BCAS3: variants seen among roughly 807,000 people sequenced by gnomAD.
BCAS3 encodes the protein BCAS3 microtubule associated cell migration factor, also known as BCAS4/BCAS3 fusion.
In BCAS3, 53 loss-of-function variants were observed where a neutral mutation model predicts 116.1. That is an observed-to-expected ratio of 0.46 (90% CI 0.37 to 0.57). The LOEUF (loss-of-function observed/expected upper bound fraction) is 0.57, where lower values mean the gene tolerates loss of function less well. Among genes scored for constraint, BCAS3 ranks in the 20% least tolerant of loss-of-function variants. BCAS3 has a pLI of 0.00. For missense variants in BCAS3, 917 were observed against 1,165.4 expected (o/e 0.79, Z 3.10); for synonymous variants, 391 against 408.2 (o/e 0.96, Z 0.51).
chr17:60,837,652 CTTTTTT>C (rs371521233), intron 7 of BCAS3, among the ~76,000 whole-genome samples: 2 of 136,962 alleles, frequency 1.5e-5, no homozygotes, highest in Admixed American at 7.3e-5. Flanking sequence ...TTTCACAATA[CTTTTTT>C]TTTTTTTTTT....
chr17:60,927,631 T>A (rs927235966), intron 13 of BCAS3, among the ~76,000 whole-genome samples: 15 of 152,206 alleles, frequency 9.9e-5, no homozygotes, highest in Non-Finnish European at 7.3e-5. Context: ...TTGAAATGGT[T>A]CATGGTGTAT....
chr17:60,898,188 T>C (rs1445019790), intron 10 of BCAS3, among the ~76,000 whole-genome samples: 9 of 152,192 alleles, frequency 5.9e-5, no homozygotes, highest in Non-Finnish European at 1.0e-4. Context: ...TTTTGAGTCC[T>C]ATAAATGGGC....
Position 60,917,260 on chromosome 17 carries a change from AAACTTTTTCACCATC to A in BCAS3, c.993+6559_993+6573del, listed in dbSNP as rs761940598. Among the ~76,000 whole-genome samples the A allele has an allele frequency of 5.3e-5, 8 of 152,320 alleles. No homozygotes were observed. The South Asian group carries it at 1.7e-3, about 32-fold the overall frequency. ...TCAGTACAGGCACTATCCCTTTCCA[AAACTTTTTCACCATC>A]TGAAACTGAAAGTCTCTGCCCATTA... On this transcript the variant is annotated intron_variant, in intron 12 of 23. Transcript: ENST00000407086.
intron 9 of BCAS3, among the ~76,000 whole-genome samples, chr17:60,876,368 A>T (rs1306645053): frequency 6.6e-6 from 1 of 151,922 alleles, no homozygotes; most frequent in Non-Finnish European, 1.5e-5. Flanking sequence ...CTTTTCACTA[A>T]TACCCCTTCT....
intron 16 of BCAS3, among the ~76,000 whole-genome samples, chr17:61,018,894 T>C (rs1382447489): frequency 2.0e-5 from 3 of 152,204 alleles, no homozygotes; most frequent in Non-Finnish European, 4.4e-5. Context: ...ATTTTTCTAC[T>C]TGTAGCATAG....
intron 22 of BCAS3, among the ~76,000 whole-genome samples, chr17:61,201,015 A>T (rs1439402762): frequency 6.6e-6 from 1 of 152,148 alleles, no homozygotes; most frequent in Non-Finnish European, 1.5e-5. Context: ...GACAAATAGT[A>T]TATATAAAAA....
chr17:60,890,712 T>C (rs1019000186), intron 10 of BCAS3, among the ~76,000 whole-genome samples: 2 of 152,218 alleles, frequency 1.3e-5, no homozygotes, highest in African/African-American at 2.4e-5. Flanking sequence ...AAAATTCTTT[T>C]AATTCCATTT....
rs2059616037 is a variant in BCAS3, at chr17:61,381,761, A to G, written c.2594-10216A>G. Among the ~76,000 whole-genome samples, 1 of 152,182 alleles carries G rather than the reference A, an allele frequency of 6.6e-6. No individual in the cohort carries two copies. Among genetic ancestry groups the G allele is most frequent in the Non-Finnish European group, 1.5e-5 (1 of 68,028 alleles). On this transcript the variant is annotated intron_variant, in intron 23 of 23. Transcript: ENST00000407086. This position sits in a 1 kb window ranked among gnomAD's most constrained non-coding sequence, Gnocchi z 6.0. ...AGGGCCAGCATTCTTCAGCACGCAG[A>G]TGCCATGTGTGCCTGTATGTGGTTC...
At position 61,171,452 on chromosome 17, in the gene BCAS3, T is replaced by C. The variant is rs1215042717; in HGVS notation, c.2425+86888T>C. Among the ~76,000 whole-genome samples, 1 of 152,098 alleles carries C rather than the reference T, an allele frequency of 6.6e-6. No individual in the cohort carries two copies. The highest frequency in any genetic ancestry group is 1.5e-5 in the Non-Finnish European group (1 of 68,012). ...GATTTAAACTTGGCCATATCAAAAG[T>C]CATATTGAATGTAAATGGTCTAAAC... On this transcript the variant is annotated intron_variant, in intron 22 of 23. Coordinates refer to ENST00000407086, the MANE Select transcript of BCAS3 (RefSeq NM_017679.5). This position sits in a 1 kb window ranked among gnomAD's most constrained non-coding sequence, Gnocchi z 4.1.
chr17:61,194,503 C>A (rs909235502), intron 22 of BCAS3, among the ~76,000 whole-genome samples: 2 of 152,114 alleles, frequency 1.3e-5, no homozygotes, highest in Non-Finnish European at 2.9e-5. Context: ...CTTTGGGAGG[C>A]CAAGGCGGGT....
chr17:61,274,260 C>T (rs12950064), intron 22 of BCAS3, among the ~76,000 whole-genome samples: 13,184 of 147,558 alleles, frequency 0.089, 969 homozygotes, highest in African/African-American at 0.19. Context: ...GTTGTGTTCA[C>T]ACTTTCTTTA....
rs2081753289 is a variant in BCAS3 at position 61,215,866 on chromosome 17, A to C, written c.2425+131302A>C. ...GCATCAGTATTTTTCAGACTCCCTG[A>C]GTAATTCTAGTGTACAGCCAGATTT... On this transcript the variant is annotated intron_variant, in intron 22 of 23. Transcript: ENST00000407086. The surrounding 1 kb of genome is among the most constrained non-coding windows in gnomAD (Gnocchi z 4.8). 1.3e-5 allele frequency among the ~76,000 whole-genome samples: 2 copies of C among 152,188 alleles called. No homozygotes were observed. The highest frequency in any genetic ancestry group is 1.3e-4 in the Admixed American group (2 of 15,278).
rs1412210283 is a variant in BCAS3, at chr17:60,805,828, A to T, written c.404-2176A>T. ...GGTGACAGAGTGAGACTCCATCTGT[A>T]AAAAAAAAAGAGAAGTGACTCAGCC... On this transcript the variant is annotated intron_variant, in intron 6 of 23. Coordinates refer to ENST00000407086, the MANE Select transcript of BCAS3 (RefSeq NM_017679.5). 2.2e-5 allele frequency among the ~76,000 whole-genome samples: 3 copies of T among 133,754 alleles called. No homozygotes were observed. In the East Asian group the frequency reaches 5.9e-4, roughly 26 times the overall value. The allele number at this position is 133,754 out of a possible 152,430, so 87.7% of individuals were successfully genotyped here.
intron 22 of BCAS3, among the ~76,000 whole-genome samples, chr17:61,091,768 GA>G (rs1339531939): frequency 6.6e-6 from 1 of 152,174 alleles, no homozygotes; most frequent in African/African-American, 2.4e-5. Flanking sequence ...TGGTGTTAAG[GA>G]AAGAATAATG....
chr17:61,001,124 T>G (rs565977311), intron 15 of BCAS3, among the ~76,000 whole-genome samples: 1 of 152,166 alleles, frequency 6.6e-6, no homozygotes, highest in Non-Finnish European at 1.5e-5. Context: ...GGGGTCATCT[T>G]TGAGTCACAG....
In BCAS3 at chr17:61,105,228, A is replaced by G. The variant is rs910336559; in HGVS notation, c.2425+20664A>G. 1.3e-5 allele frequency among the ~76,000 whole-genome samples: 2 copies of G among 152,216 alleles called. No individual in the cohort carries two copies. On this transcript the variant is annotated intron_variant, in intron 22 of 23. Transcript: ENST00000407086. This position sits in a 1 kb window ranked among gnomAD's most constrained non-coding sequence, Gnocchi z 4.3. ...CTTGCACCAGCCCAGTTTTCCACTCAGGTGGTTTACCCCAAAACCTGGCCT... is the reference window on the plus strand; with the variant it reads ...CTTGCACCAGCCCAGTTTTCCACTCGGGTGGTTTACCCCAAAACCTGGCCT...
intron 1 of BCAS3, among the ~76,000 whole-genome samples, chr17:60,678,939 A>C (rs1236398580): frequency 2.0e-5 from 3 of 152,184 alleles, no homozygotes; most frequent in Non-Finnish European, 4.4e-5. Context: ...AAAAAACAAA[A>C]CAGGATGGGC....
chr17:60,847,367 C>T (rs1181361274), intron 7 of BCAS3, among the ~76,000 whole-genome samples: 1 of 152,088 alleles, frequency 6.6e-6, no homozygotes, highest in East Asian at 1.9e-4. Flanking sequence ...ATTGCTGGGT[C>T]GTATGATAAT....
chr17:60,991,425 C>T (rs935291046), intron 15 of BCAS3, among the ~76,000 whole-genome samples: 5 of 152,144 alleles, frequency 3.3e-5, no homozygotes, highest in Non-Finnish European at 7.4e-5. Flanking sequence ...TTGATCATAA[C>T]GTAGTTGAAT....
Sources: allele counts gnomAD v4.1 joint callset (sites outside exome capture counted in the v4.1 genomes callset), GRCh38; gene constraint gnomAD v4.1.1; non-coding constraint Gnocchi (gnomAD v3.1); transcripts MANE v1.5; gene names NCBI Gene and HGNC (gene_info 2026-07-23, HGNC 2026-07-21).